PCDH7: variants seen among roughly 807,000 people sequenced by gnomAD.
The protein encoded by PCDH7 is protocadherin-7.
Under a neutral mutation model 58.9 loss-of-function variants are expected in PCDH7, and 17 were observed. The observed-to-expected ratio is 0.29, with a 90% CI of 0.20 to 0.43. The LOEUF (loss-of-function observed/expected upper bound fraction) is 0.43, where lower values mean the gene tolerates loss of function less well. PCDH7 is among the 20% of genes least tolerant of loss of function. The pLI, the probability that PCDH7 is intolerant of heterozygous loss-of-function variation, is 1.00. For missense variants in PCDH7, 1,274 were observed against 1,441.0 expected, an observed-to-expected ratio of 0.88 and a Z score of 1.88; for synonymous variants, 664 against 616.4, an observed-to-expected ratio of 1.08 and a Z score of -1.14.
intron 1 of PCDH7, among the ~76,000 whole-genome samples, chr4:30,824,103 CTTTCTTTCTTTCTTT>C (rs1728751730): frequency 7.8e-6 from 1 of 128,686 alleles, no homozygotes. Flanking sequence ...TTCTTTCTTT[CTTTCTTTCTTTCTTT>C]CTTTCTTTCT....
chr4:30,973,187 T>G (rs1749759180), intron 3 of PCDH7, among the ~76,000 whole-genome samples: 1 of 152,260 alleles, frequency 6.6e-6, no homozygotes, highest in South Asian at 2.1e-4. Context: ...TAGAGATAGA[T>G]TATGAAAAGA....
chr4:30,806,977 C>T (rs1726300600), intron 1 of PCDH7, among the ~76,000 whole-genome samples: 1 of 152,070 alleles, frequency 6.6e-6, no homozygotes, highest in Non-Finnish European at 1.5e-5. Context: ...CACTATTAGA[C>T]AGTACACTGG....
chr4:31,126,481 A>C (rs546709878), intron 3 of PCDH7, among the ~76,000 whole-genome samples: 1 of 152,074 alleles, frequency 6.6e-6, no homozygotes, highest in Admixed American at 6.6e-5. Context: ...TGTATGAATA[A>C]ATATAGTTTT....
intron 3 of PCDH7, among the ~76,000 whole-genome samples, chr4:30,983,544 T>C (rs981731274): frequency 2.6e-5 from 4 of 152,216 alleles, no homozygotes; most frequent in African/African-American, 9.6e-5. Context: ...AGAGCATACT[T>C]ATACATTTGC....
chr4:30,896,570 T>G (rs1739413995), intron 1 of PCDH7, among the ~76,000 whole-genome samples: 1 of 152,090 alleles, frequency 6.6e-6, no homozygotes, highest in African/African-American at 2.4e-5. Flanking sequence ...TTACATCTGA[T>G]GAGTGATTTA....
chr4:31,038,903 A>G (rs574644441), intron 3 of PCDH7, among the ~76,000 whole-genome samples: 2 of 152,270 alleles, frequency 1.3e-5, no homozygotes, highest in East Asian at 1.9e-4. Flanking sequence ...TAAACCTGAG[A>G]TAAGTTACTT....
chr4:31,142,772 G>T, exon 4 of PCDH7: 1 of 1,367,312 alleles, frequency 7.3e-7, no homozygotes, highest in Non-Finnish European at 9.8e-7. Flanking sequence ...CAACCCTGAG[G>T]ATATTCCCCT....
chr4:30,861,778 T>G (rs934091603), intron 1 of PCDH7, among the ~76,000 whole-genome samples: 12 of 152,264 alleles, frequency 7.9e-5, no homozygotes, highest in East Asian at 1.9e-4. Context: ...GAATTATTTG[T>G]AGTTGGTATA....
At chr4:30,991,238 A>G (rs1751439221) in intron 3 of PCDH7, among the ~76,000 whole-genome samples, 1 of 152,070 alleles carries the variant, frequency 6.6e-6, no homozygotes, top group African/African-American at 2.4e-5. Flanking sequence ...CATTGGCTGA[A>G]CCTCACTCCT....
At chr4:30,912,380 C>T (rs1741892378) in intron 1 of PCDH7, among the ~76,000 whole-genome samples, 2 of 152,138 alleles carry the variant, frequency 1.3e-5, no homozygotes. Flanking sequence ...GCCTTAGCCC[C>T]TCTTTAAAAA....
chr4:30,920,689 T>C (rs969025758), intron 2 of PCDH7, among the ~76,000 whole-genome samples: 1 of 152,170 alleles, frequency 6.6e-6, no homozygotes, highest in Non-Finnish European at 1.5e-5. Context: ...AAAGGTCTTG[T>C]CTAATTGTTT....
intron 3 of PCDH7, among the ~76,000 whole-genome samples, chr4:31,012,279 C>T (rs1305248821): frequency 6.6e-6 from 1 of 152,058 alleles, no homozygotes; most frequent in Admixed American, 6.6e-5. Context: ...AACTTCCTTT[C>T]AAGGTTATAT....
At chr4:31,031,068 T>C (rs1398335736) in intron 3 of PCDH7, among the ~76,000 whole-genome samples, 1 of 152,140 alleles carries the variant, frequency 6.6e-6, no homozygotes, top group Non-Finnish European at 1.5e-5. Context: ...ATGGGGTTAT[T>C]TGAAGAAGAG....
At chr4:30,973,999 A>G (rs1303676656) in intron 3 of PCDH7, among the ~76,000 whole-genome samples, 4 of 151,970 alleles carry the variant, frequency 2.6e-5, no homozygotes, top group Non-Finnish European at 5.9e-5. Context: ...GAGGGTGGGA[A>G]GTGTAAATTC....
intron 1 of PCDH7, among the ~76,000 whole-genome samples, chr4:30,857,027 T>G (rs193182002): frequency 3.3e-5 from 5 of 152,006 alleles, no homozygotes; most frequent in Non-Finnish European, 7.4e-5. Context: ...GAGGTTGAAA[T>G]AGAGATGTAA....
intron 1 of PCDH7, among the ~76,000 whole-genome samples, chr4:30,907,813 C>T (rs921142062): frequency 2.8e-4 from 42 of 152,154 alleles, no homozygotes; most frequent in African/African-American, 7.5e-4. Flanking sequence ...ATGTTTATTG[C>T]GGCACTACTC....
intron 3 of PCDH7, among the ~76,000 whole-genome samples, chr4:31,069,303 C>G (rs2109250071): frequency 6.6e-6 from 1 of 151,990 alleles, no homozygotes; most frequent in East Asian, 1.9e-4. Flanking sequence ...CTGGTGAAAG[C>G]AGGGTTCAAA....
At chr4:30,850,552 G>C (rs1262254715) in intron 1 of PCDH7, among the ~76,000 whole-genome samples, 2 of 152,070 alleles carry the variant, frequency 1.3e-5, no homozygotes, top group Non-Finnish European at 2.9e-5. Context: ...GTGGAGGGGG[G>C]AGGGGGTTGG....
intron 1 of PCDH7, among the ~76,000 whole-genome samples, chr4:30,911,434 C>G (rs1398518981): frequency 6.6e-6 from 1 of 151,568 alleles, no homozygotes; most frequent in African/African-American, 2.4e-5. Context: ...TGGCAGAGAC[C>G]TATGGCCCAC....
Sources: allele counts gnomAD v4.1 joint callset (sites outside exome capture counted in the v4.1 genomes callset), GRCh38; gene constraint gnomAD v4.1.1; transcripts MANE v1.5; gene names NCBI Gene and HGNC (gene_info 2026-07-23, HGNC 2026-07-21).